PTPN5: variants seen among roughly 807,000 people sequenced by gnomAD.
PTPN5 encodes tyrosine-protein phosphatase non-receptor type 5.
In PTPN5, 29 loss-of-function variants were observed where a neutral mutation model predicts 73.9. The observed-to-expected ratio is 0.39, with a 90% CI of 0.29 to 0.54. The LOEUF is 0.54. Among genes scored for constraint, PTPN5 ranks in the 20% least tolerant of loss-of-function variants. The pLI, the probability that PTPN5 is intolerant of heterozygous loss-of-function variation, is 0.65. For synonymous variants in PTPN5, 267 were observed against 304.7 expected, an observed-to-expected ratio of 0.88 and a Z score of 1.29; for missense variants, 652 against 751.4, an observed-to-expected ratio of 0.87 and a Z score of 1.55.
chr11:18,751,278 G>C (rs1849878024), intron 3 of PTPN5, among the ~76,000 whole-genome samples: 2 of 152,296 alleles, frequency 1.3e-5, no homozygotes, highest in South Asian at 4.1e-4. Flanking sequence ...CAGAGTCCCT[G>C]AAACACGGCA....
chr11:18,731,013 A>T (rs991479867), intron 12 of PTPN5, among the ~76,000 whole-genome samples: 2 of 151,860 alleles, frequency 1.3e-5, no homozygotes, highest in African/African-American at 4.8e-5. Flanking sequence ...TGTTCTCCTG[A>T]CTTGTTTGCC....
At chr11:18,753,476 G>A (rs1849984824) in intron 3 of PTPN5, among the ~76,000 whole-genome samples, 1 of 152,156 alleles carries the variant, frequency 6.6e-6, no homozygotes, top group African/African-American at 2.4e-5. Context: ...TTTGTTCTTA[G>A]GATAAAAACC....
intron 2 of PTPN5, among the ~76,000 whole-genome samples, chr11:18,767,687 A>G (rs1052320640): frequency 1.3e-5 from 2 of 152,264 alleles, no homozygotes; most frequent in African/African-American, 4.8e-5. Flanking sequence ...GCTTCTCCAG[A>G]AGAGAGGAGC....
At chr11:18,753,286 C>T (rs1217844007) in intron 3 of PTPN5, among the ~76,000 whole-genome samples, 1 of 152,210 alleles carries the variant, frequency 6.6e-6, no homozygotes, top group African/African-American at 2.4e-5. Context: ...GTCAGGGGGC[C>T]TGGACTCTCT....
rs750378513 is a variant in PTPN5, at chr11:18,743,430, C to A, written c.292-1G>T. 1.9e-6 allele frequency: 3 copies of A among 1,614,026 alleles called. No homozygotes were observed. The highest frequency in any genetic ancestry group is 1.7e-6 in the Non-Finnish European group (2 of 1,179,910). ...TGAACCAGAGCACCCCACAGGCAAG[C>A]TGGGGCACAGGGGAGCAGGCTGAGT... On this transcript the variant is annotated splice_acceptor_variant, in intron 4 of 14. Transcript: ENST00000358540. LOFTEE classifies it high-confidence loss of function.
intron 3 of PTPN5, among the ~76,000 whole-genome samples, chr11:18,751,647 A>G (rs1849892680): frequency 1.3e-5 from 2 of 152,192 alleles, no homozygotes; most frequent in African/African-American, 2.4e-5. Context: ...AAGTCTTGTT[A>G]ATCTCCACAC....
In PTPN5 at chr11:18,733,983, A is replaced by G. The variant is rs1483922014; in HGVS notation, c.1001-348T>C. On this transcript the variant is annotated intron_variant, in intron 9 of 14. Transcript: ENST00000358540. The surrounding 1 kb of genome is among the most constrained non-coding windows in gnomAD (Gnocchi z 4.3). The stretch of plus-strand genomic sequence containing the variant: ...GGAAATTCCTGTACAGATCTTGTTC[A>G]GCAAGAGACAGCTAGCTTGAGTACA... 6.6e-6 allele frequency among the ~76,000 whole-genome samples: 1 copy of G among 152,234 alleles called. No homozygotes were observed. The highest frequency in any genetic ancestry group is 1.5e-5 in the Non-Finnish European group (1 of 68,042).
At chr11:18,759,778 C>A (rs1439142908) in intron 3 of PTPN5, among the ~76,000 whole-genome samples, 1 of 152,134 alleles carries the variant, frequency 6.6e-6, no homozygotes, top group Admixed American at 6.5e-5. Flanking sequence ...TTGACAGCTA[C>A]CGGTGACATC....
chr11:18,785,250 G>A (rs1379323817), intron 1 of PTPN5, among the ~76,000 whole-genome samples: 1 of 152,172 alleles, frequency 6.6e-6, no homozygotes, highest in African/African-American at 2.4e-5. Context: ...TCTTGAGGGT[G>A]CTTCAGATGG....
At chr11:18,741,513 C>T (rs1428267245) in intron 7 of PTPN5, among the ~76,000 whole-genome samples, 1 of 152,224 alleles carries the variant, frequency 6.6e-6, no homozygotes, top group Non-Finnish European at 1.5e-5. Flanking sequence ...TTCCTGACTC[C>T]ACACCCAGTG....
Position 18,742,484 on chromosome 11 carries a change from G to C in PTPN5, c.503C>G (p.Thr168Arg), listed in dbSNP as rs1171356153. The change falls in exon 7 of 15, where the codon ACA becomes AGA. Residue 168 changes from threonine to arginine, a missense_variant. By Grantham distance (71) the Thr-to-Arg change is moderately conservative. Transcript: ENST00000358540. This position sits in a 1 kb window ranked among gnomAD's most constrained non-coding sequence, Gnocchi z 4.1. ...VTTLVWHLLR[T>R]PPEPPTPLPP... is the part of the protein sequence containing the mutation. ...CAGTGGGGTGGGTGGCTCTGGGGGT[G>C]TCCTCAGGAGGTGCCACACCTGGTT... is the stretch of plus-strand genomic sequence containing the variant. 1.2e-6 allele frequency: 2 copies of C among 1,613,654 alleles called. No individual in the cohort carries two copies. The highest frequency in any genetic ancestry group is 3.3e-5 in the Admixed American group (2 of 60,028).
intron 8 of PTPN5, among the ~76,000 whole-genome samples, chr11:18,739,182 G>A (rs879786875): frequency 1.3e-5 from 2 of 152,120 alleles, no homozygotes; most frequent in African/African-American, 4.8e-5. Context: ...TTCCAGGATT[G>A]TGAAAATCAA....
intron 1 of PTPN5, among the ~76,000 whole-genome samples, chr11:18,773,482 C>T (rs1363452007): frequency 1.3e-5 from 2 of 152,086 alleles, no homozygotes; most frequent in South Asian, 2.1e-4. Flanking sequence ...GGCGTCCTCC[C>T]GACAGAAGGC....
rs1174677794 is a variant in PTPN5, at chr11:18,740,435, G to A, written c.915+168C>T. ...TCCCCATTTTCCAGATGAGGAAACT[G>A]AAGCTCAGAGGGAAAGCAGCTTGCC... On this transcript the variant is annotated intron_variant, in intron 8 of 14. Coordinates refer to ENST00000358540, the MANE Select transcript of PTPN5 (RefSeq NM_006906.2). 7.7e-6 allele frequency: 4 copies of A among 520,220 alleles called. No homozygotes were observed. In the Admixed American group the frequency reaches 1.6e-4, roughly 21 times the overall value. The allele number at this position is 520,220 out of a possible 1,614,324, so 32.2% of individuals were successfully genotyped here.
intron 3 of PTPN5, among the ~76,000 whole-genome samples, chr11:18,761,948 C>T (rs1326862752): frequency 3.3e-5 from 5 of 152,174 alleles, no homozygotes; most frequent in African/African-American, 9.7e-5. Context: ...GCCCGGGTGA[C>T]TGTGCGTGGG....
chr11:18,747,302 C>G (rs1849686863), intron 3 of PTPN5, among the ~76,000 whole-genome samples: 1 of 152,088 alleles, frequency 6.6e-6, no homozygotes, highest in Admixed American at 6.5e-5. Flanking sequence ...AGGCACAAGC[C>G]ACTGCGCCTG....
intron 3 of PTPN5, among the ~76,000 whole-genome samples, chr11:18,764,206 G>A (rs1850528281): frequency 6.6e-6 from 1 of 152,180 alleles, no homozygotes; most frequent in South Asian, 2.1e-4. Context: ...GAATTATTGA[G>A]TTCTATGACT....
At chr11:18,777,987 AAAGAAAGG>A (rs57353847) in intron 1 of PTPN5, among the ~76,000 whole-genome samples, 7,800 of 113,188 alleles carry the variant, frequency 0.069, 265 homozygotes, top group East Asian at 0.12. Flanking sequence ...AGAAAGAAAG[AAAGAAAGG>A]AAGGAAGGAA....
At chr11:18,783,562 T>C (rs997219522) in intron 1 of PTPN5, among the ~76,000 whole-genome samples, 1 of 152,240 alleles carries the variant, frequency 6.6e-6, no homozygotes, top group Non-Finnish European at 1.5e-5. Flanking sequence ...GAAATAGAGT[T>C]ACTCAAGCTC....
Sources: gnomAD v4.1 joint callset for allele counts (sites outside exome capture counted in the v4.1 genomes callset) on GRCh38, gnomAD v4.1.1 for gene constraint, Gnocchi (gnomAD v3.1) non-coding constraint, MANE v1.5 for transcripts, NCBI Gene and HGNC (gene_info 2026-07-23, HGNC 2026-07-21) for gene names.